FRMD4B: variants seen among roughly 807,000 people sequenced by gnomAD.
FRMD4B encodes FERM domain containing 4B.
In FRMD4B, 74 loss-of-function variants were observed where a neutral mutation model predicts 141.5. The ratio of observed to expected loss-of-function variants is 0.52; its 90% CI spans 0.43 to 0.63. FRMD4B has a LOEUF of 0.63. Among genes scored for constraint, FRMD4B ranks in the 30% least tolerant of loss-of-function variants. The pLI, the probability that FRMD4B is intolerant of heterozygous loss-of-function variation, is 0.00. For missense variants in FRMD4B, 1,366 were observed against 1,253.4 expected (o/e 1.09, Z -1.36); for synonymous variants, 506 against 467.9 (o/e 1.08, Z -1.05).
At chr3:69,385,071 A>G (rs1704215682) in intron 1 of FRMD4B, among the ~76,000 whole-genome samples, 1 of 152,100 alleles carries the variant, frequency 6.6e-6, no homozygotes, top group Non-Finnish European at 1.5e-5. Context: ...ACTGTCTAAA[A>G]AAAAAAAAAG....
chr3:69,293,727 A>C (rs1051231572), intron 4 of FRMD4B, among the ~76,000 whole-genome samples: 3 of 151,978 alleles, frequency 2.0e-5, no homozygotes, highest in Non-Finnish European at 4.4e-5. Context: ...CTAAAAATAC[A>C]AAAATTAGCT....
intron 1 of FRMD4B, among the ~76,000 whole-genome samples, chr3:69,321,690 C>G (rs1378152400): frequency 6.6e-6 from 1 of 150,650 alleles, no homozygotes; most frequent in African/African-American, 2.4e-5. Flanking sequence ...AACCCAGACA[C>G]AGCTAACACT....
Position 69,454,391 on chromosome 3 carries a change from C to T in FRMD4B, c.-128-21630G>A, listed in dbSNP as rs146338030. 3.4e-3 allele frequency among the ~76,000 whole-genome samples: 524 copies of T among 152,344 alleles called. 5 individuals are homozygous for T. Among genetic ancestry groups the T allele is most frequent in the African/African-American group, 0.012 (491 of 41,596 alleles). ...CACCGTGGGAGCCCCTCTCTCTGGG[C>T]TGGTTGAGGCCAGAGCCACTCCCTC... is the stretch of plus-strand genomic sequence containing the variant. On this transcript the variant is annotated intron_variant, in intron 1 of 5. Transcript: ENST00000459638.
intron 2 of FRMD4B, among the ~76,000 whole-genome samples, chr3:69,394,934 C>G (rs948152865): frequency 7.9e-5 from 12 of 152,086 alleles, no homozygotes; most frequent in African/African-American, 2.9e-4. Context: ...CAAACACCCG[C>G]CTGTTCTCAC....
chr3:69,425,872 G>A (rs769028567), intron 2 of FRMD4B, among the ~76,000 whole-genome samples: 2 of 152,150 alleles, frequency 1.3e-5, no homozygotes, highest in African/African-American at 2.4e-5. Context: ...ACTCCAGAGC[G>A]TATGCTTAAT....
chr3:69,497,909 A>C (rs907785740), intron 1 of FRMD4B, among the ~76,000 whole-genome samples: 2 of 152,164 alleles, frequency 1.3e-5, no homozygotes, highest in Non-Finnish European at 2.9e-5. Context: ...TGTTTCCAGA[A>C]ACAATCCCCC....
chr3:69,492,337 T>C (rs995692441), intron 1 of FRMD4B, among the ~76,000 whole-genome samples: 3 of 152,210 alleles, frequency 2.0e-5, no homozygotes, highest in Non-Finnish European at 2.9e-5. Flanking sequence ...TAATAATTCC[T>C]GGCAGCCAGT....
chr3:69,421,475 A>C (rs1310284479), intron 2 of FRMD4B, among the ~76,000 whole-genome samples: 1 of 152,160 alleles, frequency 6.6e-6, no homozygotes, highest in Non-Finnish European at 1.5e-5. Flanking sequence ...GGGCATTCCC[A>C]GTGTCTCCAG....
At chr3:69,185,088 G>A (rs2092750472) in intron 19 of FRMD4B, among the ~76,000 whole-genome samples, 1 of 152,046 alleles carries the variant, frequency 6.6e-6, no homozygotes. Flanking sequence ...TGGATCACGA[G>A]GTCAGGAGAT....
intron 11 of FRMD4B, among the ~76,000 whole-genome samples, chr3:69,205,865 T>C (rs764576467): frequency 6.6e-6 from 1 of 152,212 alleles, no homozygotes; most frequent in Non-Finnish European, 1.5e-5. Context: ...AAACAATTAA[T>C]TCTGGAGTTC....
intron 1 of FRMD4B, among the ~76,000 whole-genome samples, chr3:69,503,444 C>G (rs1224464266): frequency 6.8e-6 from 1 of 148,074 alleles, no homozygotes; most frequent in African/African-American, 2.5e-5. Context: ...GACAAAAAAC[C>G]AAACACTGCA....
chr3:69,394,212 C>G (rs924409199), intron 2 of FRMD4B, among the ~76,000 whole-genome samples: 1 of 152,166 alleles, frequency 6.6e-6, no homozygotes, highest in African/African-American at 2.4e-5. Flanking sequence ...CTGTTTTCTC[C>G]CAAGACAGAG....
intron 21 of FRMD4B, 68 bp downstream of exon 21, chr3:69,180,831 G>A (rs1270788369): frequency 5.1e-6 from 6 of 1,168,670 alleles, no homozygotes; most frequent in Non-Finnish European, 7.5e-6. Flanking sequence ...CCGTGAGGCG[G>A]TTTTAGGTGG....
At chr3:69,506,721 G>T (rs925158575) in intron 1 of FRMD4B, among the ~76,000 whole-genome samples, 3 of 151,712 alleles carry the variant, frequency 2.0e-5, no homozygotes, top group Admixed American at 6.6e-5. Context: ...TTTGGGGGGG[G>T]TGGGTAGAGG....
chr3:69,465,319 C>CAAAAAA (rs370690960), intron 1 of FRMD4B, among the ~76,000 whole-genome samples: 7 of 109,092 alleles, frequency 6.4e-5, no homozygotes, highest in African/African-American at 2.2e-4. Context: ...GGCTCCGTCT[C>CAAAAAA]AAAAAAAAAA....
intron 18 of FRMD4B, among the ~76,000 whole-genome samples, chr3:69,189,003 C>A (rs2092804300): frequency 6.6e-6 from 1 of 151,894 alleles, no homozygotes; most frequent in Non-Finnish European, 1.5e-5. Context: ...AGGCAGATCA[C>A]CTTAGGTCAG....
intron 1 of FRMD4B, among the ~76,000 whole-genome samples, chr3:69,368,515 C>A (rs953427289): frequency 6.6e-6 from 1 of 152,200 alleles, no homozygotes; most frequent in Non-Finnish European, 1.5e-5. Flanking sequence ...TGCCTACCCC[C>A]CTTGTCGTTC....
In FRMD4B at chr3:69,176,613, G is replaced by A. The variant is rs765182088; in HGVS notation, c.2895C>T (p.Thr965=). ...NASGNWRTQL[T]IGLSDYETPA... The stretch of plus-strand genomic sequence containing the variant: ...GAGTCTCGTAATCCGACAGCCCTAT[G>A]GTTAACTGGGTCCTCCAGTTCCCAG... Residue 965 remains threonine, a synonymous_variant, in exon 22 of 23, where the codon ACC becomes ACT. Transcript: ENST00000398540. The A allele has an allele frequency of 1.2e-6, 2 of 1,603,888 alleles. No individual in the cohort carries two copies. Among genetic ancestry groups the A allele is most frequent in the Middle Eastern group, 1.7e-4 (1 of 6,036 alleles).
At chr3:69,284,510 A>G (rs1467174103) in intron 5 of FRMD4B, among the ~76,000 whole-genome samples, 2 of 152,204 alleles carry the variant, frequency 1.3e-5, no homozygotes, top group African/African-American at 4.8e-5. Flanking sequence ...TCTGGGCTAG[A>G]CTAACAAATC....
Sources: allele counts gnomAD v4.1 joint callset (sites outside exome capture counted in the v4.1 genomes callset), GRCh38; gene constraint gnomAD v4.1.1; transcripts MANE v1.5; gene names NCBI Gene and HGNC (gene_info 2026-07-23, HGNC 2026-07-21).